NKAIN2: variants seen among roughly 807,000 people sequenced by gnomAD.
The protein encoded by NKAIN2 is sodium/potassium-transporting ATPase subunit beta-1-interacting protein 2.
In NKAIN2, 14 loss-of-function variants were observed where a neutral mutation model predicts 32.6. The observed-to-expected ratio is 0.43, with a 90% CI of 0.28 to 0.67. NKAIN2 has a LOEUF of 0.67. NKAIN2 is among the 30% of genes least tolerant of loss of function. The pLI, the probability that NKAIN2 is intolerant of heterozygous loss-of-function variation, is 0.17. For missense variants in NKAIN2, 198 were observed against 258.3 expected (o/e 0.77, Z 1.60); for synonymous variants, 80 against 87.2 (o/e 0.92, Z 0.46).
At chr6:124,386,689 T>G (rs931866338) in intron 3 of NKAIN2, among the ~76,000 whole-genome samples, 8 of 152,152 alleles carry the variant, frequency 5.3e-5, no homozygotes, top group Middle Eastern at 3.2e-3. Context: ...TTGGCTTTTG[T>G]TTGTGCTGTT....
chr6:124,448,149 C>T (rs991894503), intron 3 of NKAIN2, among the ~76,000 whole-genome samples: 19 of 152,108 alleles, frequency 1.2e-4, no homozygotes, highest in African/African-American at 4.3e-4. Flanking sequence ...AGTTTCTTTA[C>T]CTGTAAAATG....
At chr6:124,462,015 A>G (rs956248316) in intron 3 of NKAIN2, among the ~76,000 whole-genome samples, 4 of 151,898 alleles carry the variant, frequency 2.6e-5, no homozygotes, top group Non-Finnish European at 4.4e-5. Context: ...ATTTGCATGT[A>G]ACAATATTAA....
intron 4 of NKAIN2, among the ~76,000 whole-genome samples, chr6:124,681,439 A>G (rs1773614090): frequency 6.6e-6 from 1 of 151,994 alleles, no homozygotes. Flanking sequence ...AATATAAATT[A>G]TATGTTGTTC....
At chr6:123,926,945 T>C (rs531348435) in intron 1 of NKAIN2, among the ~76,000 whole-genome samples, 1 of 152,334 alleles carries the variant, frequency 6.6e-6, no homozygotes, top group East Asian at 1.9e-4. Context: ...CAAAATCTAC[T>C]TTATTCTTCT....
intron 1 of NKAIN2, among the ~76,000 whole-genome samples, chr6:124,222,225 G>A (rs993933485): frequency 6.6e-6 from 1 of 152,186 alleles, no homozygotes; most frequent in Admixed American, 6.5e-5. Context: ...CATCAGTTGT[G>A]TCAGTCAAGA....
chr6:124,329,187 G>A (rs797008392), intron 2 of NKAIN2, among the ~76,000 whole-genome samples: 2 of 151,448 alleles, frequency 1.3e-5, no homozygotes, highest in African/African-American at 4.9e-5. Flanking sequence ...ATCCCAAGGG[G>A]TCTATGCCAC....
intron 2 of NKAIN2, among the ~76,000 whole-genome samples, chr6:124,345,357 T>C (rs1798358189): frequency 6.6e-6 from 1 of 152,214 alleles, no homozygotes; most frequent in South Asian, 2.1e-4. Context: ...TAAAATGAGT[T>C]AGGGAGGATT....
intron 3 of NKAIN2, among the ~76,000 whole-genome samples, chr6:124,524,845 A>G (rs1053371546): frequency 6.6e-6 from 1 of 152,216 alleles, no homozygotes; most frequent in Non-Finnish European, 1.5e-5. Flanking sequence ...CAATTTTGAC[A>G]TTATTACAAG....
intron 1 of NKAIN2, among the ~76,000 whole-genome samples, chr6:124,129,934 T>A (rs1438585686): frequency 1.3e-5 from 2 of 152,154 alleles, no homozygotes; most frequent in East Asian, 3.9e-4. Context: ...AGCAATTTTT[T>A]AAACTTTTTT....
intron 1 of NKAIN2, among the ~76,000 whole-genome samples, chr6:124,056,429 A>G (rs1191264103): frequency 1.3e-5 from 2 of 151,942 alleles, no homozygotes; most frequent in Admixed American, 6.6e-5. Flanking sequence ...TGATATAGCC[A>G]AAAAGAAAAA....
chr6:124,608,478 T>C (rs1266154345), intron 3 of NKAIN2, among the ~76,000 whole-genome samples: 1 of 152,092 alleles, frequency 6.6e-6, no homozygotes, highest in Non-Finnish European at 1.5e-5. Context: ...AATTCAAATA[T>C]CTGCTAGATC....
Position 124,145,707 on chromosome 6 carries a change from G to A in NKAIN2, c.55-137298G>A, listed in dbSNP as rs551040245. 4.5e-4 allele frequency among the ~76,000 whole-genome samples: 68 copies of A among 152,074 alleles called. 1 individual carries two copies. The South Asian group carries it at 0.014, about 32-fold the overall frequency. On this transcript the variant is annotated intron_variant, in intron 1 of 6. Coordinates refer to ENST00000368417, the MANE Select transcript of NKAIN2 (RefSeq NM_001040214.3). ...TTTTTAGTAGAGAAGGGGTTTTACTGTGTTAGCCAGGGTGGTCTCGATCTC... is the reference window on the plus strand; with the variant it reads ...TTTTTAGTAGAGAAGGGGTTTTACTATGTTAGCCAGGGTGGTCTCGATCTC...
intron 3 of NKAIN2, among the ~76,000 whole-genome samples, chr6:124,358,774 T>A (rs1328471539): frequency 6.6e-6 from 1 of 151,528 alleles, no homozygotes; most frequent in Non-Finnish European, 1.5e-5. Context: ...CTCTTTAGTT[T>A]AATTAGATCC....
At chr6:124,731,762 C>A (rs1194791765) in intron 4 of NKAIN2, among the ~76,000 whole-genome samples, 1 of 151,790 alleles carries the variant, frequency 6.6e-6, no homozygotes, top group South Asian at 2.1e-4. Flanking sequence ...TTATTTTATA[C>A]ACTTTATCAT....
chr6:123,804,377 A>G, intron 1 of NKAIN2, 123 bp downstream of exon 1: 1 of 822,244 alleles, frequency 1.2e-6, no homozygotes, highest in Non-Finnish European at 2.1e-6. Flanking sequence ...GGTGACAGAT[A>G]TATTGCCTAT....
chr6:123,984,122 G>A (rs1205142355), intron 1 of NKAIN2, among the ~76,000 whole-genome samples: 1 of 152,092 alleles, frequency 6.6e-6, no homozygotes, highest in Admixed American at 6.5e-5. Context: ...GGTCAGTCTG[G>A]TCTCAAACTC....
At chr6:124,032,830 G>T (rs1781461286) in intron 1 of NKAIN2, among the ~76,000 whole-genome samples, 2 of 151,856 alleles carry the variant, frequency 1.3e-5, no homozygotes, top group South Asian at 4.1e-4. Context: ...GTATTGCCAT[G>T]GTTGCAAACC....
At chr6:124,765,400 T>C (rs1156721849) in intron 4 of NKAIN2, among the ~76,000 whole-genome samples, 2 of 152,206 alleles carry the variant, frequency 1.3e-5, no homozygotes, top group Non-Finnish European at 2.9e-5. Flanking sequence ...AATGTGTGTT[T>C]TGCTCTTTCT....
intron 3 of NKAIN2, among the ~76,000 whole-genome samples, chr6:124,605,622 TG>T (rs143371795): frequency 0.13 from 19,220 of 151,994 alleles, 1,346 homozygotes; most frequent in Middle Eastern, 0.22. Flanking sequence ...ATGAATATTA[TG>T]GGGTATCTCC....
Sources: allele counts gnomAD v4.1 joint callset (sites outside exome capture counted in the v4.1 genomes callset), GRCh38; gene constraint gnomAD v4.1.1; transcripts MANE v1.5; gene names NCBI Gene and HGNC (gene_info 2026-07-23, HGNC 2026-07-21).